TDG: variants seen among roughly 807,000 people sequenced by gnomAD.
TDG encodes G/T mismatch-specific thymine DNA glycosylase.
A neutral mutation model predicts 46.1 loss-of-function variants in TDG; 23 were observed. The observed-to-expected ratio is 0.50, with a 90% CI of 0.36 to 0.71. TDG has a LOEUF of 0.71. Among genes scored for constraint, TDG ranks in the 30% least tolerant of loss-of-function variants. TDG has a pLI of 0.00. For synonymous variants in TDG, 115 were observed against 161.3 expected, an observed-to-expected ratio of 0.71 and a Z score of 2.18; for missense variants, 304 against 486.7, an observed-to-expected ratio of 0.62 and a Z score of 3.53.
chr12:103,973,086 AT>A lies in TDG; in HGVS notation c.24-3817del, dbSNP rs578157537. On this transcript the variant is annotated intron_variant, in intron 1 of 9. Transcript: ENST00000392872. ...GACAGAGTAAAAACACGTTTCATACATTTTTTTTTTTTTTTGAGACGGAGTT... is the reference window on the plus strand; with the variant it reads ...GACAGAGTAAAAACACGTTTCATACATTTTTTTTTTTTTTGAGACGGAGTT... 2,414 of 555,718 alleles carry A rather than the reference AT, an allele frequency of 4.3e-3. 1 individual carries two copies. The highest frequency in any genetic ancestry group is 8.8e-3 in the Middle Eastern group (21 of 2,398). 34.4% of individuals were successfully genotyped at this position (555,718 alleles called of 1,614,324 possible). A position where few individuals can be genotyped will look rare whatever the true frequency, so the allele number is the denominator to read the frequency against.
At chr12:103,977,097 G>T in intron 2 of TDG, 37 bp downstream of exon 2, 1 of 1,575,470 alleles carries the variant, frequency 6.3e-7, no homozygotes, top group Non-Finnish European at 8.6e-7. Flanking sequence ...GTTCAACATC[G>T]GATCAGCCAG....
At position 103,984,737 on chromosome 12, in the gene TDG, T is replaced by C. The variant is rs1394483145; in HGVS notation, c.793-12T>C. 2 of 775,528 alleles carry C rather than the reference T, an allele frequency of 2.6e-6. No individual in the cohort carries two copies. Among genetic ancestry groups the C allele is most frequent in the Non-Finnish European group, 3.2e-6 (2 of 616,326 alleles). The allele number at this position is 775,528 out of a possible 1,614,324, so 48.0% of individuals were successfully genotyped here. A position where few individuals can be genotyped will look rare whatever the true frequency, so the allele number is the denominator to read the frequency against. On this transcript the variant is annotated splice_polypyrimidine_tract_variant and intron_variant, in intron 7 of 9. Coordinates refer to ENST00000392872, the MANE Select transcript of TDG (RefSeq NM_003211.6). ...ATAAGATTTCTGAAATTATAAAATG[T>C]TGTGATTCTAGCTCTGCTATGTTAT...
In TDG at chr12:103,966,825, T is replaced by G. The variant is rs532301284; in HGVS notation, c.23+765T>G. Among the ~76,000 whole-genome samples, 15 of 152,326 alleles carry G rather than the reference T, an allele frequency of 9.8e-5. No individual in the cohort carries two copies. The East Asian group carries it at 1.9e-3, about 20-fold the overall frequency. ...AAAACCTATGCCTAATGAAGAATTA[T>G]CCTGACTCTCAGTGGCTAATGGGAG... On this transcript the variant is annotated intron_variant, in intron 1 of 9. Coordinates refer to ENST00000392872, the MANE Select transcript of TDG (RefSeq NM_003211.6).
intron 2 of TDG, among the ~76,000 whole-genome samples, chr12:103,977,347 T>C (rs4135085): frequency 0.084 from 12,810 of 152,230 alleles, 832 homozygotes; most frequent in East Asian, 0.31. Context: ...TGAAAGCTTA[T>C]GGGGTTGGCT....
chr12:103,979,820 TTG>T lies in TDG; in HGVS notation c.167-9_167-8del, dbSNP rs769873549. On this transcript the variant is annotated splice_polypyrimidine_tract_variant and intron_variant, in intron 2 of 9. Transcript: ENST00000392872. ...GATTTTCTGCATTTCTGGAAATTAT[TTG>T]TATTTCAGAGGCTCCAAAAGGAAGA... The T allele has an allele frequency of 9.8e-6, 15 of 1,532,810 alleles. No homozygotes were observed. The highest frequency in any genetic ancestry group is 9.3e-5 in the East Asian group (4 of 43,198). The allele number at this position is 1,532,810 out of a possible 1,614,324, so 95.0% of individuals were successfully genotyped here. A position where few individuals can be genotyped will look rare whatever the true frequency, so the allele number is the denominator to read the frequency against.
intron 9 of TDG, 38 bp from the exon 10 acceptor site, chr12:103,986,910 A>G (rs1872180010): frequency 6.6e-7 from 1 of 1,524,958 alleles, no homozygotes; most frequent in East Asian, 2.6e-5. Flanking sequence ...AAATATTTCT[A>G]AATGGCATAA....
chr12:103,971,946 G>A (rs995998583), intron 1 of TDG, among the ~76,000 whole-genome samples: 6 of 152,128 alleles, frequency 3.9e-5, no homozygotes, highest in African/African-American at 9.7e-5. Flanking sequence ...CTTTGTTACT[G>A]TCCTTCTCAT....
chr12:103,972,925 T>C (rs1566178482), intron 1 of TDG: 2 of 690,070 alleles, frequency 2.9e-6, no homozygotes, highest in East Asian at 2.7e-5. Context: ...CCTGTTGTAA[T>C]GTGAACGGTG....
intron 4 of TDG, among the ~76,000 whole-genome samples, chr12:103,981,518 A>G (rs1871834394): frequency 6.6e-6 from 1 of 152,078 alleles, no homozygotes; most frequent in Non-Finnish European, 1.5e-5. Context: ...TACAGGCGTG[A>G]GCTACAACGC....
chr12:103,984,674 C>T, intron 7 of TDG, 75 bp from the exon 8 acceptor site: 4 of 1,218,220 alleles, frequency 3.3e-6, no homozygotes, highest in Non-Finnish European at 4.3e-6. Flanking sequence ...CAAATAAAGA[C>T]AAATATTCTA....
At chr12:103,967,836 T>G (rs1359834378) in intron 1 of TDG, 42 of 151,474 alleles carry the variant, frequency 2.8e-4, no homozygotes, top group East Asian at 5.8e-4. Context: ...TTTTTGTTTT[T>G]TTTTTTTTTT....
rs898381245 is a variant in TDG, at chr12:103,977,189, A to G, written c.166+129A>G. The G allele has an allele frequency of 5.4e-6, 7 of 1,301,084 alleles. No individual in the cohort carries two copies. In the African/African-American group the frequency reaches 6.0e-5, roughly 11 times the overall value. The allele number at this position is 1,301,084 out of a possible 1,614,324, so 80.6% of individuals were successfully genotyped here. On this transcript the variant is annotated intron_variant, in intron 2 of 9. Transcript: ENST00000392872. Reference sequence around the variant, plus strand: ...CAAATCCACTTTTTAAGTACTTAGTATGTGCTAAGCACTGATAGGTTCTGG... The same window carrying G: ...CAAATCCACTTTTTAAGTACTTAGTGTGTGCTAAGCACTGATAGGTTCTGG...
chr12:103,965,893 G>T lies in TDG; in HGVS notation c.-145G>T. On this transcript the variant is annotated 5_prime_UTR_variant, in exon 1 of 10. Transcript: ENST00000392872. ...CGGTAGAAGCCTGGAGGAGGAGCTT[G>T]AGTCCAGCCACTGTCTGGGTACTGC... 6 of 1,294,424 alleles carry T rather than the reference G, an allele frequency of 4.6e-6. No individual in the cohort carries two copies. Among genetic ancestry groups the T allele is most frequent in the Non-Finnish European group, 6.3e-6 (6 of 952,390 alleles). The allele number at this position is 1,294,424 out of a possible 1,614,324, so 80.2% of individuals were successfully genotyped here. A position where few individuals can be genotyped will look rare whatever the true frequency, so the allele number is the denominator to read the frequency against.
intron 9 of TDG, chr12:103,986,333 G>A (rs1307618639): frequency 2.6e-5 from 4 of 152,096 alleles, no homozygotes; most frequent in Non-Finnish European, 4.4e-5. Context: ...GTTGTATTCC[G>A]GAAGCTTGCT....
At chr12:103,971,901 A>G (rs1244792203) in intron 1 of TDG, among the ~76,000 whole-genome samples, 1 of 152,154 alleles carries the variant, frequency 6.6e-6, no homozygotes, top group African/African-American at 2.4e-5. Flanking sequence ...ATGGTGAGGG[A>G]ATGGATACCC....
intron 7 of TDG, 36 bp from the exon 8 acceptor site, chr12:103,984,713 T>C: frequency 7.1e-7 from 1 of 1,416,308 alleles, no homozygotes; most frequent in South Asian, 1.6e-5. Context: ...AATAGAATTA[T>C]AAGATTTCTG....
chr12:103,985,048 C>T (rs4135122), intron 8 of TDG, 128 bp downstream of exon 8: 139,165 of 567,450 alleles, frequency 0.25, 19,996 homozygotes, highest in East Asian at 0.51. Context: ...TATATGCACA[C>T]GTGTATATAT....
At chr12:103,975,397 G>T (rs1358510988) in intron 1 of TDG, among the ~76,000 whole-genome samples, 4 of 152,168 alleles carry the variant, frequency 2.6e-5, no homozygotes, top group Middle Eastern at 3.2e-3. Flanking sequence ...GAATGCCATA[G>T]ACTGGGCAAT....
At chr12:103,973,321 G>A (rs1566178662) in intron 1 of TDG, among the ~76,000 whole-genome samples, 1 of 152,100 alleles carries the variant, frequency 6.6e-6, no homozygotes, top group African/African-American at 2.4e-5. Flanking sequence ...CTGACCTCAG[G>A]TGATCCGCCC....
Sources: gnomAD v4.1 joint callset for allele counts (sites outside exome capture counted in the v4.1 genomes callset) on GRCh38, gnomAD v4.1.1 for gene constraint, MANE v1.5 for transcripts, NCBI Gene and HGNC (gene_info 2026-07-23, HGNC 2026-07-21) for gene names.